Variants in SIRPB1 observed in about 807,000 individuals in gnomAD.
SIRPB1 encodes signal regulatory protein beta 1, also known as signal-regulatory protein beta-1.
Under a neutral mutation model 34.1 loss-of-function variants are expected in SIRPB1, and 28 were observed. The ratio of observed to expected loss-of-function variants is 0.82; its 90% CI spans 0.61 to 1.12. The LOEUF (loss-of-function observed/expected upper bound fraction) is 1.12. Among genes scored for constraint, SIRPB1 ranks in the 50% most tolerant of loss-of-function variants. The pLI is 0.00. For missense variants in SIRPB1, 499 were observed against 507.0 expected (o/e 0.98, Z 0.15); for synonymous variants, 211 against 203.8 (o/e 1.04, Z -0.30).
Position 1,602,571 on chromosome 20 carries a change from C to T in SIRPB1, c.76+17298G>A, listed in dbSNP as rs1350892398. On this transcript the variant is annotated intron_variant, in intron 1 of 5. Coordinates refer to ENST00000381605, the MANE Select transcript of SIRPB1 (RefSeq NM_006065.5). ...TTTGGGGAAATTTGAATGTATGCTC[C>T]ATTTTAGGTGATGTGAGATAATTAT... Among the ~76,000 whole-genome samples the T allele has an allele frequency of 4.1e-5, 2 of 49,174 alleles. 1 individual carries two copies. The highest frequency in any genetic ancestry group is 7.8e-5 in the Non-Finnish European group (2 of 25,524). 32.3% of individuals were successfully genotyped at this position (49,174 alleles called of 152,430 possible). A position where few individuals can be genotyped will look rare whatever the true frequency, so the allele number is the denominator to read the frequency against.
chr20:1,617,889 G>A (rs2091653056), intron 1 of SIRPB1, among the ~76,000 whole-genome samples: 2 of 152,046 alleles, frequency 1.3e-5, no homozygotes, highest in African/African-American at 4.8e-5. Flanking sequence ...GAAATCTCCT[G>A]TGTGTGCATG....
Position 1,571,831 on chromosome 20 carries a change from C to T in SIRPB1, c.640G>A (p.Val214Met), listed in dbSNP as rs755452898. Reference protein sequence around the residue: ...VSYSIHSTARVVLTRGDVHSQ... With the variant: ...VSYSIHSTARMVLTRGDVHSQ... Reference sequence around the variant, plus strand: ...TGAACGTCCCCACGGGTCAGCACCACCCTGGCTGTGCTGTGGATGCTGTAG... The same window carrying T: ...TGAACGTCCCCACGGGTCAGCACCATCCTGGCTGTGCTGTGGATGCTGTAG... The change falls in exon 3 of 6, where the codon GTG becomes ATG. Residue 214 changes from valine (V) to methionine (M), a missense_variant. By Grantham distance (21) the Val-to-Met change is conservative (BLOSUM62 1). Coordinates refer to ENST00000381605, the MANE Select transcript of SIRPB1 (RefSeq NM_006065.5). The T allele has an allele frequency of 3.1e-6, 5 of 1,614,104 alleles. No homozygotes were observed. Among genetic ancestry groups the T allele is most frequent in the African/African-American group, 2.7e-5 (2 of 74,938 alleles).
intron 2 of SIRPB1, among the ~76,000 whole-genome samples, chr20:1,577,634 A>G (rs2091334972): frequency 6.8e-6 from 1 of 147,450 alleles, no homozygotes; most frequent in South Asian, 2.1e-4. Context: ...TCAGTCCCCA[A>G]ATCACAGAAG....
At position 1,600,296 on chromosome 20, in the gene SIRPB1, C is replaced by T. The variant is rs1297633464; in HGVS notation, c.76+19573G>A. ...GGATTCTTTGCATTTTTACAATGAG[C>T]ATTTTTTTGCTGTTAAAAGCAAACA... is the stretch of plus-strand genomic sequence containing the variant. On this transcript the variant is annotated intron_variant, in intron 1 of 5. Transcript: ENST00000381605. Among the ~76,000 whole-genome samples, 2 of 49,830 alleles carry T rather than the reference C, an allele frequency of 4.0e-5. 1 individual carries two copies. The highest frequency in any genetic ancestry group is 7.8e-5 in the Non-Finnish European group (2 of 25,640). The allele number at this position is 49,830 out of a possible 152,430, so 32.7% of individuals were successfully genotyped here.
In SIRPB1 at chr20:1,561,589, G is replaced by A. The variant is rs1276578229; in HGVS notation, c.*3911C>T. Reference sequence around the variant, plus strand: ...AGTTCTGGGCCCGATGTTGCAGAATGCCTCCTTATTGAAATTTGTCTGATG... The same window carrying A: ...AGTTCTGGGCCCGATGTTGCAGAATACCTCCTTATTGAAATTTGTCTGATG... On this transcript the variant is annotated 3_prime_UTR_variant, in exon 6 of 6. Transcript: ENST00000381605. Among the ~76,000 whole-genome samples the A allele has an allele frequency of 6.6e-6, 1 of 152,114 alleles. No homozygotes were observed. Among genetic ancestry groups the A allele is most frequent in the African/African-American group, 2.4e-5 (1 of 41,406 alleles).
intron 4 of SIRPB1, among the ~76,000 whole-genome samples, chr20:1,566,918 C>T (rs1251318159): frequency 6.6e-6 from 1 of 152,012 alleles, no homozygotes; most frequent in Non-Finnish European, 1.5e-5. Flanking sequence ...AGGGAATGTG[C>T]CTCGGGCTTG....
At chr20:1,574,354 G>A in intron 2 of SIRPB1, among the ~76,000 whole-genome samples, 1 of 28,164 alleles carries the variant, frequency 3.6e-5, no homozygotes, top group South Asian at 1.1e-3. Flanking sequence ...CAGAATGGCT[G>A]TTTTGAAGCA....
At position 1,614,606 on chromosome 20, in the gene SIRPB1, C is replaced by T. The variant is rs754772349; in HGVS notation, c.76+5263G>A. Among the ~76,000 whole-genome samples, 36 of 152,086 alleles carry T rather than the reference C, an allele frequency of 2.4e-4. 2 individuals are homozygous for T. In the South Asian group the frequency reaches 7.5e-3, roughly 32 times the overall value. On this transcript the variant is annotated intron_variant, in intron 1 of 5. Coordinates refer to ENST00000381605, the MANE Select transcript of SIRPB1 (RefSeq NM_006065.5). Reference sequence around the variant, plus strand: ...TTGAGCCTGCTCCTTGGGAGCTCCTCCCACATGGCTTCCTGCATGGCCTGC... The same window carrying T: ...TTGAGCCTGCTCCTTGGGAGCTCCTTCCACATGGCTTCCTGCATGGCCTGC...
rs185593609 is a variant in SIRPB1 at position 1,578,193 on chromosome 20, T to C, written c.433+145A>G. On this transcript the variant is annotated intron_variant, in intron 2 of 5. Transcript: ENST00000381605. ...TGACATCTCCAAGCCTCAACTCATG[T>C]GATCTGGAGAAAGGGTGACATCAGT... is the stretch of plus-strand genomic sequence containing the variant. 9.2e-5 allele frequency: 83 copies of C among 901,424 alleles called. 1 individual carries two copies. The East Asian group carries it at 2.0e-3, about 21-fold the overall frequency. 55.8% of individuals were successfully genotyped at this position (901,424 alleles called of 1,614,324 possible).
At position 1,605,915 on chromosome 20, in the gene SIRPB1, G is replaced by A. The variant is rs1167077072; in HGVS notation, c.76+13954C>T. On this transcript the variant is annotated intron_variant, in intron 1 of 5. Transcript: ENST00000381605. ...TGGATAACAACTGAAGCCAGGGTCC[G>A]TGGGATTTTGATCTCTTTCACCTGG... 2.4e-5 allele frequency: 5 copies of A among 205,690 alleles called. 2 individuals carry two copies. Among genetic ancestry groups the A allele is most frequent in the Admixed American group, 1.2e-4 (3 of 24,652 alleles). The allele number at this position is 205,690 out of a possible 1,614,324, so 12.7% of individuals were successfully genotyped here. A position where few individuals can be genotyped will look rare whatever the true frequency, so the allele number is the denominator to read the frequency against.
At chr20:1,611,444 CG>C (rs767258723) in intron 1 of SIRPB1, 1 of 1,027,040 alleles carries the variant, frequency 9.7e-7, no homozygotes, top group Non-Finnish European at 1.3e-6. Context: ...TAGTAGGTGC[CG>C]GCATCTGCTG....
rs1415609715 is a variant in SIRPB1, at chr20:1,577,468, G to A, written c.433+870C>T. ...CATGCCAGAATTCAGCAGTTAAGAC[G>A]AGGCTTTTGGGGCTCTGGCAGGAAA... On this transcript the variant is annotated intron_variant, in intron 2 of 5. Transcript: ENST00000381605. Among the ~76,000 whole-genome samples, 4 of 147,544 alleles carry A rather than the reference G, an allele frequency of 2.7e-5. 1 individual carries two copies. Among genetic ancestry groups the A allele is most frequent in the African/African-American group, 7.4e-5 (3 of 40,642 alleles).
chr20:1,570,245 T>G (rs540418132), intron 4 of SIRPB1, among the ~76,000 whole-genome samples: 28 of 152,340 alleles, frequency 1.8e-4, no homozygotes, highest in African/African-American at 5.1e-4. Flanking sequence ...TGATTATTGT[T>G]GGTCAAATAT....
intron 1 of SIRPB1, among the ~76,000 whole-genome samples, chr20:1,617,575 T>G (rs2091648172): frequency 6.6e-6 from 1 of 152,148 alleles, no homozygotes; most frequent in South Asian, 2.1e-4. Flanking sequence ...GATACAAAAT[T>G]TCAGTTTAGT....
rs1440398524 is a variant in SIRPB1 at position 1,609,175 on chromosome 20, T to G, written c.76+10694A>C. 5.7e-5 allele frequency among the ~76,000 whole-genome samples: 4 copies of G among 70,246 alleles called. 2 individuals carry two copies. Among genetic ancestry groups the G allele is most frequent in the Non-Finnish European group, 5.3e-5 (2 of 37,880 alleles). The allele number at this position is 70,246 out of a possible 152,430, so 46.1% of individuals were successfully genotyped here. A position where few individuals can be genotyped will look rare whatever the true frequency, so the allele number is the denominator to read the frequency against. ...GGAGTGAGCAGATCTGAGTCACACC[T>G]GAGCCACCACTGGCTGTGACTGCCT... On this transcript the variant is annotated intron_variant, in intron 1 of 5. Coordinates refer to ENST00000381605, the MANE Select transcript of SIRPB1 (RefSeq NM_006065.5).
In SIRPB1 at chr20:1,582,083, A is replaced by G. The variant is rs2091397209; in HGVS notation, c.77-3389T>C. Among the ~76,000 whole-genome samples the G allele has an allele frequency of 4.1e-5, 2 of 49,268 alleles. 1 individual carries two copies. The highest frequency in any genetic ancestry group is 2.7e-4 in the African/African-American group (2 of 7,442). The allele number at this position is 49,268 out of a possible 152,430, so 32.3% of individuals were successfully genotyped here. A position where few individuals can be genotyped will look rare whatever the true frequency, so the allele number is the denominator to read the frequency against. On this transcript the variant is annotated intron_variant, in intron 1 of 5. Coordinates refer to ENST00000381605, the MANE Select transcript of SIRPB1 (RefSeq NM_006065.5). ...CTTCATTTACAAATTTTACTTACAAATTAAAATCAACAGACACTCCTGTTA... is the reference window on the plus strand; with the variant it reads ...CTTCATTTACAAATTTTACTTACAAGTTAAAATCAACAGACACTCCTGTTA...
At chr20:1,615,635 G>A (rs1047749027) in intron 1 of SIRPB1, among the ~76,000 whole-genome samples, 8 of 152,220 alleles carry the variant, frequency 5.3e-5, no homozygotes, top group African/African-American at 1.9e-4. Context: ...CAATGAGCAA[G>A]TGGTATTTAT....
chr20:1,569,144 C>T lies in SIRPB1; in HGVS notation c.1084+1661G>A, dbSNP rs546891710. 5.9e-5 allele frequency among the ~76,000 whole-genome samples: 9 copies of T among 152,120 alleles called. No individual in the cohort carries two copies. In the East Asian group the frequency reaches 9.7e-4, roughly 16 times the overall value. ...TTACCAGGGCTCACTCAATAGGAAA[C>T]GAAAAATGTGAATAACCCTAAACTA... is the stretch of plus-strand genomic sequence containing the variant. On this transcript the variant is annotated intron_variant, in intron 4 of 5. Coordinates refer to ENST00000381605, the MANE Select transcript of SIRPB1 (RefSeq NM_006065.5).
chr20:1,597,720 C>G, intron 1 of SIRPB1: 1 of 348,722 alleles, frequency 2.9e-6, no homozygotes. Context: ...TCATTTTTCT[C>G]CTTAAAACCA....
Sources: allele counts gnomAD v4.1 joint callset (sites outside exome capture counted in the v4.1 genomes callset), GRCh38; gene constraint gnomAD v4.1.1; transcripts MANE v1.5; gene names NCBI Gene and HGNC (gene_info 2026-07-23, HGNC 2026-07-21).